The following NPAS3 variants were observed in gnomAD, a reference collection of about 807,000 sequenced individuals.
NPAS3 encodes neuronal PAS domain protein 3.
In NPAS3, 14 loss-of-function variants were observed where a neutral mutation model predicts 73.1. The observed-to-expected ratio is 0.19, with a 90% CI of 0.13 to 0.30. NPAS3 has a LOEUF of 0.30. NPAS3 is among the 10% of genes least tolerant of loss of function. The probability of loss-of-function intolerance (pLI) is 1.00; values close to 1 mark genes in which losing one functional copy is unlikely to be tolerated. For missense variants in NPAS3, 1,096 were observed against 1,250.0 expected (o/e 0.88, Z 1.86); for synonymous variants, 620 against 541.5 (o/e 1.14, Z -2.01).
intron 5 of NPAS3, among the ~76,000 whole-genome samples, chr14:33,647,457 T>C (rs951406054): frequency 3.9e-5 from 6 of 152,114 alleles, no homozygotes; most frequent in Admixed American, 1.3e-4. Context: ...ATTGTCCCCA[T>C]AGCAAACAAA....
intron 2 of NPAS3, among the ~76,000 whole-genome samples, chr14:33,186,311 T>G (rs551508616): frequency 6.6e-6 from 1 of 152,340 alleles, no homozygotes; most frequent in Admixed American, 6.5e-5. Flanking sequence ...TGTAAAACAT[T>G]ATCTTATAGT....
intron 3 of NPAS3, among the ~76,000 whole-genome samples, chr14:33,256,518 T>C (rs942185873): frequency 7.2e-5 from 11 of 152,218 alleles, no homozygotes; most frequent in Non-Finnish European, 4.4e-5. Context: ...AATTGCAGTT[T>C]GTTCTTAATT....
intron 3 of NPAS3, among the ~76,000 whole-genome samples, chr14:33,362,535 C>G (rs750358754): frequency 6.6e-6 from 1 of 152,220 alleles, no homozygotes; most frequent in South Asian, 2.1e-4. Context: ...CTTTCTCAGC[C>G]GCTGGCTTTG....
intron 3 of NPAS3, among the ~76,000 whole-genome samples, chr14:33,296,131 C>G (rs17100575): frequency 6.6e-6 from 1 of 151,950 alleles, no homozygotes; most frequent in Non-Finnish European, 1.5e-5. Context: ...TTGGAATTAG[C>G]CTTGATTTTT....
At chr14:33,763,107 C>T (rs548251644) in intron 7 of NPAS3, among the ~76,000 whole-genome samples, 1 of 152,156 alleles carries the variant, frequency 6.6e-6, no homozygotes, top group African/African-American at 2.4e-5. Flanking sequence ...AGACCTCAGT[C>T]TTCGCTTCTT....
chr14:33,297,381 A>C (rs969957818), intron 3 of NPAS3, among the ~76,000 whole-genome samples: 22 of 152,306 alleles, frequency 1.4e-4, no homozygotes, highest in African/African-American at 5.3e-4. Context: ...GGAAACATTT[A>C]TATATACTAT....
At chr14:33,487,949 T>C (rs925722154) in intron 4 of NPAS3, among the ~76,000 whole-genome samples, 2 of 152,144 alleles carry the variant, frequency 1.3e-5, no homozygotes, top group South Asian at 2.1e-4. Context: ...TGTCTACAAG[T>C]GTATATTTGT....
chr14:33,540,134 A>C (rs2054444959), intron 4 of NPAS3, among the ~76,000 whole-genome samples: 1 of 152,190 alleles, frequency 6.6e-6, no homozygotes, highest in Admixed American at 6.5e-5. Flanking sequence ...TTCTATGTTT[A>C]GCTTGAATAA....
chr14:33,127,995 T>G (rs372876856), intron 2 of NPAS3, among the ~76,000 whole-genome samples: 1 of 152,170 alleles, frequency 6.6e-6, no homozygotes, highest in Admixed American at 6.6e-5. Flanking sequence ...TCAGTAATTA[T>G]GATGGGATTC....
intron 5 of NPAS3, chr14:33,612,300 T>G: frequency 2.4e-6 from 1 of 425,304 alleles, no homozygotes. Context: ...CATTCACATT[T>G]GCGCTCAAAG....
chr14:33,552,245 T>C (rs1471664017), intron 4 of NPAS3, among the ~76,000 whole-genome samples: 1 of 152,174 alleles, frequency 6.6e-6, no homozygotes, highest in Non-Finnish European at 1.5e-5. Context: ...TATATCGAGG[T>C]GTGAAACAAC....
chr14:33,256,312 T>C (rs538532615), intron 3 of NPAS3, among the ~76,000 whole-genome samples: 1 of 152,346 alleles, frequency 6.6e-6, no homozygotes, highest in East Asian at 1.9e-4. Context: ...CATTTAATCA[T>C]AGAAAAAGTT....
intron 4 of NPAS3, among the ~76,000 whole-genome samples, chr14:33,387,444 A>AT (rs1203319279): frequency 2.6e-5 from 4 of 152,200 alleles, no homozygotes; most frequent in African/African-American, 4.8e-5. Context: ...TCAGTTACCC[A>AT]TTTTTTTGGC....
chr14:33,742,546 C>A (rs907916332), intron 7 of NPAS3, among the ~76,000 whole-genome samples: 4 of 152,150 alleles, frequency 2.6e-5, no homozygotes, highest in Non-Finnish European at 5.9e-5. Flanking sequence ...ATCATCTGAG[C>A]CTTCAGCAAA....
At chr14:33,329,783 A>G (rs1458937109) in intron 3 of NPAS3, among the ~76,000 whole-genome samples, 1 of 152,050 alleles carries the variant, frequency 6.6e-6, no homozygotes, top group East Asian at 1.9e-4. Flanking sequence ...AGCCCTTTTC[A>G]TAAGCTTGTT....
At chr14:33,593,818 A>C (rs577886486) in intron 5 of NPAS3, among the ~76,000 whole-genome samples, 2 of 152,332 alleles carry the variant, frequency 1.3e-5, no homozygotes, top group East Asian at 3.9e-4. Context: ...TTGATGTTGC[A>C]GAATAGTAGG....
chr14:33,465,736 C>T (rs1036366785), intron 4 of NPAS3, among the ~76,000 whole-genome samples: 30 of 152,032 alleles, frequency 2.0e-4, no homozygotes, highest in Admixed American at 1.8e-3. Flanking sequence ...TATTTCCTTT[C>T]GCAAAACATG....
At chr14:33,141,170 G>T (rs915262482) in intron 2 of NPAS3, among the ~76,000 whole-genome samples, 1 of 152,208 alleles carries the variant, frequency 6.6e-6, no homozygotes, top group African/African-American at 2.4e-5. Context: ...AATGAATTGC[G>T]AGAGCAATGT....
chr14:33,750,095 T>G (rs2061917220), intron 7 of NPAS3, among the ~76,000 whole-genome samples: 1 of 152,102 alleles, frequency 6.6e-6, no homozygotes, highest in Non-Finnish European at 1.5e-5. Flanking sequence ...ACTTCCTGCT[T>G]AGAAAAAAAA....
Sources: gnomAD v4.1 joint callset for allele counts (sites outside exome capture counted in the v4.1 genomes callset) on GRCh38, gnomAD v4.1.1 for gene constraint, MANE v1.5 for transcripts, NCBI Gene and HGNC (gene_info 2026-07-23, HGNC 2026-07-21) for gene names.